The following R3HCC1L variants were observed in gnomAD, a reference collection of about 807,000 sequenced individuals.
R3HCC1L encodes R3H domain and coiled-coil containing 1 like, also known as coiled-coil domain-containing protein R3HCC1L.
Under a neutral mutation model 59.9 loss-of-function variants are expected in R3HCC1L, and 51 were observed. That is an observed-to-expected ratio of 0.85 (90% CI 0.68 to 1.07). The LOEUF (loss-of-function observed/expected upper bound fraction) is 1.07, where lower values mean the gene tolerates loss of function less well. Among genes scored for constraint, R3HCC1L ranks in the 50% least tolerant of loss-of-function variants. The probability of loss-of-function intolerance (pLI) is 0.00; values close to 1 mark genes in which losing one functional copy is unlikely to be tolerated. For synonymous variants in R3HCC1L, 322 were observed against 315.2 expected (o/e 1.02, Z -0.23); for missense variants, 965 against 933.0 (o/e 1.03, Z -0.45).
intron 1 of R3HCC1L, among the ~76,000 whole-genome samples, chr10:98,154,276 C>T (rs893435186): frequency 2.6e-5 from 4 of 151,728 alleles, no homozygotes; most frequent in Non-Finnish European, 5.9e-5. Flanking sequence ...GGGGAGCCTC[C>T]CATTGGTGTA....
At chr10:98,172,661 G>A (rs892429059) in intron 4 of R3HCC1L, among the ~76,000 whole-genome samples, 4 of 152,168 alleles carry the variant, frequency 2.6e-5, no homozygotes, top group South Asian at 2.1e-4. Context: ...ACAGGCAGCC[G>A]TAACTCTGAA....
At chr10:98,157,362 T>G (rs1846982921) in intron 2 of R3HCC1L, among the ~76,000 whole-genome samples, 1 of 152,242 alleles carries the variant, frequency 6.6e-6, no homozygotes, top group African/African-American at 2.4e-5. Context: ...ATATGCTTAC[T>G]TAATCACCCA....
chr10:98,148,210 A>G (rs1845840128), intron 1 of R3HCC1L, among the ~76,000 whole-genome samples: 1 of 152,176 alleles, frequency 6.6e-6, no homozygotes, highest in Admixed American at 6.5e-5. Context: ...ATTGGCATAT[A>G]TAAATCTACT....
intron 4 of R3HCC1L, among the ~76,000 whole-genome samples, chr10:98,199,819 A>G (rs894785018): frequency 2.0e-5 from 3 of 152,038 alleles, no homozygotes; most frequent in African/African-American, 7.2e-5. Context: ...ACAAAATTTA[A>G]ATTGTAACTG....
chr10:98,197,441 C>A (rs1279492591), intron 4 of R3HCC1L, among the ~76,000 whole-genome samples: 1 of 152,128 alleles, frequency 6.6e-6, no homozygotes, highest in Non-Finnish European at 1.5e-5. Flanking sequence ...CTTGTATTTT[C>A]ATCTCTGCTC....
At chr10:98,203,983 G>A (rs902135287) in intron 4 of R3HCC1L, among the ~76,000 whole-genome samples, 7 of 152,160 alleles carry the variant, frequency 4.6e-5, no homozygotes, top group Admixed American at 1.3e-4. Context: ...CAGAGTGCAT[G>A]CTGATGGTCC....
intron 4 of R3HCC1L, among the ~76,000 whole-genome samples, chr10:98,184,160 GT>G (rs1849980750): frequency 6.6e-6 from 1 of 151,978 alleles, no homozygotes; most frequent in South Asian, 2.1e-4. Context: ...ATTACTTTGT[GT>G]TTAGGGTAGG....
chr10:98,192,025 A>T (rs375695671), intron 4 of R3HCC1L, among the ~76,000 whole-genome samples: 1 of 152,052 alleles, frequency 6.6e-6, no homozygotes, highest in Non-Finnish European at 1.5e-5. Flanking sequence ...GGGCTTCACC[A>T]TGTTGGCCAG....
intron 4 of R3HCC1L, among the ~76,000 whole-genome samples, chr10:98,197,241 C>T (rs1337993344): frequency 6.6e-6 from 1 of 152,030 alleles, no homozygotes; most frequent in African/African-American, 2.4e-5. Context: ...TCTGCTGATA[C>T]CACACTTGTT....
intron 9 of R3HCC1L, among the ~76,000 whole-genome samples, chr10:98,242,349 CAAA>C (rs1006150016): frequency 3.4e-5 from 5 of 149,044 alleles, no homozygotes; most frequent in African/African-American, 1.2e-4. Context: ...ACTCCATCTC[CAAA>C]AAAAAAGGTT....
At chr10:98,174,893 G>T (rs1848852285) in intron 4 of R3HCC1L, 2 of 562,026 alleles carry the variant, frequency 3.6e-6, no homozygotes, top group Non-Finnish European at 4.5e-6. Flanking sequence ...GGAATTGCCA[G>T]ATTACCTTGG....
intron 5 of R3HCC1L, among the ~76,000 whole-genome samples, chr10:98,220,760 T>G (rs1242630906): frequency 2.0e-5 from 3 of 152,026 alleles, no homozygotes; most frequent in Non-Finnish European, 4.4e-5. Context: ...TGCCACAATT[T>G]CTTAATCCAG....
chr10:98,163,458 G>T, intron 4 of R3HCC1L, 61 bp downstream of exon 4: 1 of 1,064,100 alleles, frequency 9.4e-7, no homozygotes, highest in Non-Finnish European at 1.3e-6. Flanking sequence ...CTAAAGATTT[G>T]TTTGCTTGTA....
chr10:98,231,239 G>A (rs375640039), intron 5 of R3HCC1L, among the ~76,000 whole-genome samples: 9 of 152,062 alleles, frequency 5.9e-5, no homozygotes, highest in Admixed American at 2.0e-4. Flanking sequence ...GTGTTTTCTC[G>A]TGTGCTGGTT....
chr10:98,158,242 AT>A (rs1255198369), intron 2 of R3HCC1L, among the ~76,000 whole-genome samples: 2 of 152,114 alleles, frequency 1.3e-5, no homozygotes, highest in East Asian at 3.8e-4. Context: ...TATATGCATT[AT>A]TTTGTTCCTT....
intron 5 of R3HCC1L, chr10:98,211,203 T>A: frequency 1.5e-6 from 1 of 661,408 alleles, no homozygotes; most frequent in Non-Finnish European, 2.5e-6. Context: ...AGGCAGTGAT[T>A]TCCAAAGTAT....
intron 4 of R3HCC1L, among the ~76,000 whole-genome samples, chr10:98,173,509 G>A (rs1287683977): frequency 6.6e-6 from 1 of 152,124 alleles, no homozygotes; most frequent in African/African-American, 2.4e-5. Flanking sequence ...TGATCCACCG[G>A]CAGTTTATGC....
chr10:98,147,059 C>CT (rs1271349359), intron 1 of R3HCC1L, among the ~76,000 whole-genome samples: 1 of 152,146 alleles, frequency 6.6e-6, no homozygotes, highest in African/African-American at 2.4e-5. Context: ...TCCATATCCT[C>CT]ACCAGCATCT....
chr10:98,173,572 C>A (rs1044578898), intron 4 of R3HCC1L, among the ~76,000 whole-genome samples: 1 of 152,106 alleles, frequency 6.6e-6, no homozygotes, highest in African/African-American at 2.4e-5. Context: ...TTAATGGGCC[C>A]AGGGGCTGTC....
Sources: allele counts gnomAD v4.1 joint callset (sites outside exome capture counted in the v4.1 genomes callset), GRCh38; gene constraint gnomAD v4.1.1; transcripts MANE v1.5; gene names NCBI Gene and HGNC (gene_info 2026-07-23, HGNC 2026-07-21).